TRPS1: variants seen among roughly 807,000 people sequenced by gnomAD.
TRPS1 encodes the protein transcriptional repressor GATA binding 1.
Under a neutral mutation model 101.2 loss-of-function variants are expected in TRPS1, and 6 were observed. The ratio of observed to expected loss-of-function variants is 0.06; its 90% CI spans 0.03 to 0.12. TRPS1 has a LOEUF of 0.12. TRPS1 is among the 10% of genes least tolerant of loss of function. The pLI is 1.00. For synonymous variants in TRPS1, 578 were observed against 589.8 expected (o/e 0.98, Z 0.29); for missense variants, 1,363 against 1,567.0 (o/e 0.87, Z 2.20).
intron 5 of TRPS1, among the ~76,000 whole-genome samples, chr8:115,533,981 C>T (rs1429265451): frequency 6.6e-6 from 1 of 152,188 alleles, no homozygotes; most frequent in African/African-American, 2.4e-5. Context: ...TCCCGAAACA[C>T]CATCAGACTG....
chr8:115,518,732 T>C (rs1563569847), intron 5 of TRPS1, among the ~76,000 whole-genome samples: 1 of 151,864 alleles, frequency 6.6e-6, no homozygotes, highest in Non-Finnish European at 1.5e-5. Context: ...CTGTATGGCA[T>C]AGCTCCGATC....
chr8:115,620,462 CAT>C (rs755281743), intron 2 of TRPS1, among the ~76,000 whole-genome samples: 126 of 152,040 alleles, frequency 8.3e-4, no homozygotes, highest in African/African-American at 2.8e-3. Context: ...AACATGTACA[CAT>C]GTTATGTTTA....
chr8:115,489,860 T>A (rs565850105), intron 5 of TRPS1, among the ~76,000 whole-genome samples: 1 of 152,228 alleles, frequency 6.6e-6, no homozygotes, highest in African/African-American at 2.4e-5. Flanking sequence ...AATTGCAATA[T>A]TCAAATATGG....
At chr8:115,458,547 T>C (rs777245978) in intron 5 of TRPS1, among the ~76,000 whole-genome samples, 1 of 152,202 alleles carries the variant, frequency 6.6e-6, no homozygotes, top group Non-Finnish European at 1.5e-5. Context: ...TTAGTCTCAA[T>C]GGGCTATGAT....
intron 1 of TRPS1, among the ~76,000 whole-genome samples, chr8:115,663,713 T>C (rs986860187): frequency 8.1e-6 from 1 of 123,102 alleles, no homozygotes; most frequent in Non-Finnish European, 1.6e-5. Flanking sequence ...TTTGTGCTCT[T>C]GGAAAAGGAA....
intron 5 of TRPS1, among the ~76,000 whole-genome samples, chr8:115,530,624 T>C (rs1002305377): frequency 3.3e-5 from 5 of 152,162 alleles, no homozygotes; most frequent in Non-Finnish European, 4.4e-5. Context: ...TGTTAAGTGA[T>C]TTTTCCGTAT....
At chr8:115,488,748 C>T (rs921312147) in intron 5 of TRPS1, among the ~76,000 whole-genome samples, 4 of 152,020 alleles carry the variant, frequency 2.6e-5, no homozygotes, top group African/African-American at 9.7e-5. Context: ...TTAGAGACCA[C>T]ATTTTCCCTT....
chr8:115,572,036 T>C lies in TRPS1; in HGVS notation c.2700+14965A>G, dbSNP rs1168823508. On this transcript the variant is annotated intron_variant, in intron 5 of 6. Transcript: ENST00000395715. ...TAATTAAACAATTAAATTTTTATTT[T>C]AGACTTTGATTTAAATACCCACCTT... is the stretch of plus-strand genomic sequence containing the variant. Among the ~76,000 whole-genome samples, 44 of 152,164 alleles carry C rather than the reference T, an allele frequency of 2.9e-4. 1 individual carries two copies. The highest frequency in any genetic ancestry group is 2.9e-3 in the Admixed American group (44 of 15,268).
chr8:115,448,222 A>G (rs1180850386), intron 5 of TRPS1, among the ~76,000 whole-genome samples: 2 of 152,194 alleles, frequency 1.3e-5, no homozygotes, highest in Admixed American at 1.3e-4. Context: ...TTAGTAATTT[A>G]TTCTTTTCTA....
chr8:115,438,314 T>C (rs2129866242), intron 5 of TRPS1, among the ~76,000 whole-genome samples: 1 of 152,312 alleles, frequency 6.6e-6, no homozygotes, highest in African/African-American at 2.4e-5. Context: ...GTAAAAGGCA[T>C]AACTAGGCAC....
chr8:115,415,399 A>C (rs1812894532), intron 6 of TRPS1, among the ~76,000 whole-genome samples: 1 of 152,172 alleles, frequency 6.6e-6, no homozygotes, highest in African/African-American at 2.4e-5. Flanking sequence ...GTAGAAAGTC[A>C]CTTGAAGAGA....
chr8:115,655,916 C>T (rs1017975937), intron 1 of TRPS1, among the ~76,000 whole-genome samples: 1 of 152,084 alleles, frequency 6.6e-6, no homozygotes, highest in Admixed American at 6.6e-5. Flanking sequence ...TCGGACCAAA[C>T]ATTTTGGCAA....
chr8:115,484,022 T>C (rs1814819996), intron 5 of TRPS1, among the ~76,000 whole-genome samples: 1 of 152,234 alleles, frequency 6.6e-6, no homozygotes, highest in Non-Finnish European at 1.5e-5. Flanking sequence ...ATTTCTCTTA[T>C]TAATCATTGT....
chr8:115,619,154 A>G lies in TRPS1; in HGVS notation c.944T>C (p.Leu315Pro), dbSNP rs1476794996. 6.2e-7 allele frequency: 1 copy of G among 1,614,180 alleles called. No individual in the cohort carries two copies. Among genetic ancestry groups the G allele is most frequent in the Non-Finnish European group, 8.5e-7 (1 of 1,180,018 alleles). The change falls in exon 3 of 7, where the codon CTA (leucine) becomes CCA (proline). Residue 315 changes from leucine to proline, a missense_variant. By Grantham distance (98) the Leu-to-Pro change is moderately conservative. This residue lies in a region of TRPS1 where 1,020 missense variants were observed against 1,073.0 expected (regional missense o/e 0.95). Transcript: ENST00000395715. ...QDINSSRPVL[L>P]NGTYDVQVTS... The stretch of plus-strand genomic sequence containing the variant: ...AACCTGCACATCATAGGTCCCATTT[A>G]GTAAAACAGGCCTTGAAGAATTGAT...
chr8:115,416,542 A>T (rs1434940342), intron 6 of TRPS1, among the ~76,000 whole-genome samples: 1 of 148,516 alleles, frequency 6.7e-6, no homozygotes, highest in East Asian at 1.9e-4. Flanking sequence ...TTTAAATATA[A>T]ACATAAATAT....
intron 5 of TRPS1, among the ~76,000 whole-genome samples, chr8:115,429,120 C>A (rs1451631830): frequency 1.3e-5 from 2 of 152,100 alleles, no homozygotes; most frequent in East Asian, 1.9e-4. Context: ...AAATCTTTCA[C>A]GGGAAAACTA....
intron 5 of TRPS1, among the ~76,000 whole-genome samples, chr8:115,548,422 C>A (rs1332813534): frequency 6.6e-6 from 1 of 152,086 alleles, no homozygotes; most frequent in African/African-American, 2.4e-5. Context: ...ACCGCAACCT[C>A]TGCCTCCCAG....
At chr8:115,511,548 T>C (rs908949977) in intron 5 of TRPS1, among the ~76,000 whole-genome samples, 2 of 151,866 alleles carry the variant, frequency 1.3e-5, no homozygotes, top group Non-Finnish European at 2.9e-5. Context: ...TAACAAGCTA[T>C]CAATTTTGGA....
At position 115,666,874 on chromosome 8, in the gene TRPS1, T is replaced by C. The variant is rs1003436645; in HGVS notation, c.-122+1671A>G. On this transcript the variant is annotated intron_variant, in intron 1 of 6. Transcript: ENST00000395715. ...ATTATCTCTCCCAGACCCTTTCCTT[T>C]CCTGTTCACCTGGTGTGTTTACAAA... 5.4e-4 allele frequency among the ~76,000 whole-genome samples: 82 copies of C among 151,860 alleles called. 1 individual carries two copies. Among genetic ancestry groups the C allele is most frequent in the Non-Finnish European group, 7.5e-4 (51 of 67,986 alleles).
Sources: allele counts gnomAD v4.1 joint callset (sites outside exome capture counted in the v4.1 genomes callset), GRCh38; gene constraint gnomAD v4.1.1; regional missense constraint gnomAD v4.1.1; transcripts MANE v1.5; gene names NCBI Gene and HGNC (gene_info 2026-07-23, HGNC 2026-07-21).